The following CEP76 variants were observed in gnomAD, a reference collection of about 807,000 sequenced individuals.
CEP76 encodes the protein centrosomal protein of 76 kDa.
A neutral mutation model predicts 83.3 loss-of-function variants in CEP76; 55 were observed. The observed-to-expected ratio is 0.66, with a 90% CI of 0.53 to 0.83. The LOEUF (loss-of-function observed/expected upper bound fraction) is 0.83, where lower values mean the gene tolerates loss of function less well. CEP76 is among the 40% of genes least tolerant of loss of function. The pLI is 0.00. For synonymous variants in CEP76, 270 were observed against 274.5 expected, an observed-to-expected ratio of 0.98 and a Z score of 0.16; for missense variants, 694 against 799.5, an observed-to-expected ratio of 0.87 and a Z score of 1.59.
rs774250369 is a variant in CEP76, at chr18:12,680,668, C to G, written c.1283G>C (p.Gly428Ala). The G allele has an allele frequency of 6.2e-7, 1 of 1,606,322 alleles. No individual in the cohort carries two copies. Among genetic ancestry groups the G allele is most frequent in the Non-Finnish European group, 8.5e-7 (1 of 1,176,412 alleles). Residue 428 changes from glycine to alanine, a missense_variant, in exon 9 of 12, where the codon GGA becomes GCA. Gly to Ala is a moderately conservative substitution (Grantham distance 60, BLOSUM62 0). Coordinates refer to ENST00000262127, the MANE Select transcript of CEP76 (RefSeq NM_024899.4). ...ATAAACTTAGTAAACTAACCTGTGTCCTGTTAAACTCTCCCAAAAAGTGAT... is the reference window on the plus strand; with the variant it reads ...ATAAACTTAGTAAACTAACCTGTGTGCTGTTAAACTCTCCCAAAAAGTGAT... ...GAITFWESLTGHRYIHKPTNP... is the reference protein window; with the variant it reads ...GAITFWESLTAHRYIHKPTNP...
chr18:12,686,419 G>C lies in CEP76; in HGVS notation c.965C>G (p.Ser322Cys), dbSNP rs1212899944. The C allele has an allele frequency of 1.9e-6, 3 of 1,613,400 alleles. No individual in the cohort carries two copies. Among genetic ancestry groups the C allele is most frequent in the Admixed American group, 1.7e-5 (1 of 59,878 alleles). ...DENGINRPVC[S>C]YVKPLRAGRL... Reference sequence around the variant, plus strand: ...TCCAGCTCGAAGTGGTTTAACATAGGAACAGACTGGTCTATTTATCCCATT... The same window carrying C: ...TCCAGCTCGAAGTGGTTTAACATAGCAACAGACTGGTCTATTTATCCCATT... Residue 322 changes from serine (S) to cysteine (C), a missense_variant, in exon 8 of 12, where the codon TCC (serine) becomes TGC (cysteine). By Grantham distance (112) the Ser-to-Cys change is moderately radical. Coordinates refer to ENST00000262127, the MANE Select transcript of CEP76 (RefSeq NM_024899.4).
intron 12 of CEP76, chr18:12,662,245 A>G (rs942477588): frequency 2.3e-6 from 1 of 436,350 alleles, no homozygotes; most frequent in Non-Finnish European, 4.5e-6. Flanking sequence ...TTCATTGCCC[A>G]CAATTGTAAT....
chr18:12,681,341 G>A (rs921004073), intron 8 of CEP76, among the ~76,000 whole-genome samples: 1 of 148,792 alleles, frequency 6.7e-6, no homozygotes, highest in Non-Finnish European at 1.5e-5. Context: ...TGACCTCCTG[G>A]GCTTAAGTGA....
chr18:12,674,662 A>T lies in CEP76; in HGVS notation c.1715T>A (p.Ile572Lys), dbSNP rs1458821148. 6.2e-7 allele frequency: 1 copy of T among 1,614,074 alleles called. No homozygotes were observed. The highest frequency in any genetic ancestry group is 1.7e-5 in the Admixed American group (1 of 60,016). The change falls in exon 11 of 12, where the codon ATA becomes AAA. Residue 572 changes from isoleucine (I) to lysine (K), a missense_variant. Ile to Lys is a moderately radical substitution (Grantham distance 102). Coordinates refer to ENST00000262127, the MANE Select transcript of CEP76 (RefSeq NM_024899.4). ...TTGAAATTCTTCATTGCCTGCTGATATACTTGTTGTACGCTCAAATTCATA... is the reference window on the plus strand; with the variant it reads ...TTGAAATTCTTCATTGCCTGCTGATTTACTTGTTGTACGCTCAAATTCATA... ...ASYEFERTTS[I>K]SAGNEEFQDA...
Position 12,662,637 on chromosome 18 carries a change from C to T in CEP76, c.*1728-468G>A, listed in dbSNP as rs539110639. Among the ~76,000 whole-genome samples, 351 of 152,208 alleles carry T rather than the reference C, an allele frequency of 2.3e-3. 3 individuals carry two copies. The highest frequency in any genetic ancestry group is 0.014 in the South Asian group (69 of 4,822). ...CAAAAAATACAAAAAAGTAACCAGG[C>T]ATGGTGGTGCACACCTATAATCCCA... On this transcript the variant is annotated intron_variant and NMD_transcript_variant, in intron 12 of 12. Transcript: ENST00000590143.
intron 6 of CEP76, among the ~76,000 whole-genome samples, chr18:12,692,971 C>T (rs2039822245): frequency 6.6e-6 from 1 of 152,152 alleles, no homozygotes; most frequent in Admixed American, 6.5e-5. Flanking sequence ...TACAGGAATG[C>T]ACCACCATGT....
downstream of CEP76, among the ~76,000 whole-genome samples, chr18:12,671,907 G>A (rs111614097): frequency 0.15 from 23,072 of 151,906 alleles, 2,097 homozygotes; most frequent in South Asian, 0.38. Flanking sequence ...CACAACCTCC[G>A]CCTCCCAGGT....
Position 12,702,698 on chromosome 18 carries a change from G to T in CEP76, c.-150C>A. 1.2e-6 allele frequency: 1 copy of T among 840,534 alleles called. No individual in the cohort carries two copies. Among genetic ancestry groups the T allele is most frequent in the Non-Finnish European group, 1.8e-6 (1 of 568,184 alleles). The allele number at this position is 840,534 out of a possible 1,614,324, so 52.1% of individuals were successfully genotyped here. On this transcript the variant is annotated 5_prime_UTR_variant, in exon 1 of 12. Coordinates refer to ENST00000262127, the MANE Select transcript of CEP76 (RefSeq NM_024899.4). Reference sequence around the variant, plus strand: ...CAGCTCCCGGGGGACGCAACGCCGCGTCAGGCCGGGGGCTGACCTGGAAAT... The same window carrying T: ...CAGCTCCCGGGGGACGCAACGCCGCTTCAGGCCGGGGGCTGACCTGGAAAT...
At chr18:12,687,341 A>G (rs751069075) in intron 7 of CEP76, among the ~76,000 whole-genome samples, 3 of 152,096 alleles carry the variant, frequency 2.0e-5, no homozygotes, top group African/African-American at 7.2e-5. Context: ...GGAAAAAAAA[A>G]CTCACTTATT....
intron 1 of CEP76, among the ~76,000 whole-genome samples, 186 bp from the exon 2 acceptor site, chr18:12,701,299 T>G (rs1568035852): frequency 6.6e-6 from 1 of 152,214 alleles, no homozygotes; most frequent in African/African-American, 2.4e-5. Context: ...CCACTGGTTA[T>G]CTGGCACCTT....
intron 11 of CEP76, among the ~76,000 whole-genome samples, chr18:12,673,860 G>A (rs993160878): frequency 6.6e-6 from 1 of 152,058 alleles, no homozygotes; most frequent in Non-Finnish European, 1.5e-5. Context: ...CAGCCTGGGC[G>A]ACAGACTGAG....
rs776335158 is a variant in CEP76, at chr18:12,699,174, A to G, written c.325T>C (p.Tyr109His). Residue 109 changes from tyrosine to histidine, a missense_variant, in exon 4 of 12, where the codon TAC becomes CAC. Tyr to His is a moderately conservative substitution (Grantham distance 83). Transcript: ENST00000262127. The part of the protein sequence containing the change: ...TNIDPTRRYL[Y>H]LQVLGGKAFL... ...GCTTTTCCACCCAAAACCTGAAGGTAAAGATACCTCCGTGTTGGATCAATA... is the reference window on the plus strand; with the variant it reads ...GCTTTTCCACCCAAAACCTGAAGGTGAAGATACCTCCGTGTTGGATCAATA... 6.2e-7 allele frequency: 1 copy of G among 1,613,796 alleles called. No homozygotes were observed.
chr18:12,670,127 C>T (rs138341950), downstream of CEP76, among the ~76,000 whole-genome samples: 1,409 of 152,066 alleles, frequency 9.3e-3, 30 homozygotes, highest in African/African-American at 0.033. Flanking sequence ...CTCAGGAGTT[C>T]GCGACCAGCC....
intron 10 of CEP76, 24 bp downstream of exon 10, chr18:12,678,085 T>A (rs2039208986): frequency 6.4e-7 from 1 of 1,565,052 alleles, no homozygotes; most frequent in African/African-American, 1.4e-5. Flanking sequence ...AGTATGAAAC[T>A]ACAACTATTT....
Position 12,680,881 on chromosome 18 carries a change from A to G in CEP76, c.1123-53T>C, listed in dbSNP as rs2039322991. On this transcript the variant is annotated intron_variant, in intron 8 of 11. Coordinates refer to ENST00000262127, the MANE Select transcript of CEP76 (RefSeq NM_024899.4). The stretch of plus-strand genomic sequence containing the variant: ...CATTCTTCCATATTATTTCCTCATT[A>G]CATACTTAAATACTAAATTATAATA... 29 of 1,455,074 alleles carry G rather than the reference A, an allele frequency of 2.0e-5. No individual in the cohort carries two copies. In the South Asian group the frequency reaches 3.7e-4, roughly 18 times the overall value. 90.1% of individuals were successfully genotyped at this position (1,455,074 alleles called of 1,614,324 possible).
intron 6 of CEP76, among the ~76,000 whole-genome samples, chr18:12,692,627 G>T (rs2039808955): frequency 6.6e-6 from 1 of 152,110 alleles, no homozygotes; most frequent in South Asian, 2.1e-4. Flanking sequence ...CATATCACCT[G>T]TAATAATTCT....
intron 8 of CEP76, among the ~76,000 whole-genome samples, chr18:12,682,012 A>G (rs1430817316): frequency 6.6e-6 from 1 of 152,058 alleles, no homozygotes; most frequent in Non-Finnish European, 1.5e-5. Flanking sequence ...AAAAAAGAAA[A>G]AAAGAAAAGA....
chr18:12,701,852 CGGG>C (rs1319252439), intron 1 of CEP76, among the ~76,000 whole-genome samples: 1 of 152,198 alleles, frequency 6.6e-6, no homozygotes, highest in Non-Finnish European at 1.5e-5. Context: ...TGATATCTGC[CGGG>C]CGCGGAGGCT....
At position 12,673,021 on chromosome 18, in the gene CEP76, A is replaced by G. The variant is rs1391043458; in HGVS notation, c.*344T>C. On this transcript the variant is annotated 3_prime_UTR_variant, in exon 12 of 12. Transcript: ENST00000262127. The stretch of plus-strand genomic sequence containing the variant: ...TGATTTGTCTAGGGCTCAAACCCTT[A>G]GACAAACATCTCTTTGATTACCTGT... The G allele has an allele frequency of 2.0e-6, 2 of 1,012,698 alleles. No homozygotes were observed. Among genetic ancestry groups the G allele is most frequent in the African/African-American group, 1.7e-5 (1 of 57,690 alleles). The allele number at this position is 1,012,698 out of a possible 1,614,324, so 62.7% of individuals were successfully genotyped here.
Sources: gnomAD v4.1 joint callset for allele counts (sites outside exome capture counted in the v4.1 genomes callset) on GRCh38, gnomAD v4.1.1 for gene constraint, MANE v1.5 for transcripts, NCBI Gene and HGNC (gene_info 2026-07-23, HGNC 2026-07-21) for gene names.